The following WDR49 variants were observed in gnomAD, a reference collection of about 807,000 sequenced individuals.
WDR49 encodes the protein WD repeat domain 49, also known as cilia- and flagella-associated protein 337.
A neutral mutation model predicts 119.5 loss-of-function variants in WDR49; 107 were observed. The observed-to-expected ratio is 0.90, with a 90% confidence interval of 0.77 to 1.05. The LOEUF is 1.05. WDR49 is among the 50% of genes least tolerant of loss of function. WDR49 has a pLI of 0.00. For synonymous variants in WDR49, 425 were observed against 418.8 expected (o/e 1.01, Z -0.18); for missense variants, 1,240 against 1,220.5 (o/e 1.02, Z -0.24).
At chr3:167,622,656 C>A (rs1009119864) in intron 3 of WDR49, among the ~76,000 whole-genome samples, 16 of 151,930 alleles carry the variant, frequency 1.1e-4, no homozygotes, top group Admixed American at 6.6e-5. Flanking sequence ...ATGATGGATA[C>A]AACAACTGAG....
At chr3:167,633,300 C>G (rs964273053) in intron 2 of WDR49, 1 of 372,786 alleles carries the variant, frequency 2.7e-6, no homozygotes, top group Non-Finnish European at 5.3e-6. Flanking sequence ...GCAGCAGATG[C>G]TAGTTTTTGT....
At chr3:167,612,372 A>G (rs905589893) in intron 5 of WDR49, among the ~76,000 whole-genome samples, 1 of 152,040 alleles carries the variant, frequency 6.6e-6, no homozygotes, top group African/African-American at 2.4e-5. Flanking sequence ...TTCATCAAAA[A>G]AAAAAGGAAC....
chr3:167,488,927 G>A (rs1577192200), intron 18 of WDR49, among the ~76,000 whole-genome samples: 1 of 151,992 alleles, frequency 6.6e-6, no homozygotes, highest in East Asian at 1.9e-4. Context: ...CTTGTTTCCT[G>A]TGCTTGGGAC....
chr3:167,496,990 T>C (rs1751379864), intron 18 of WDR49, among the ~76,000 whole-genome samples: 1 of 152,218 alleles, frequency 6.6e-6, no homozygotes, highest in South Asian at 2.1e-4. Context: ...GGGTTCATTT[T>C]GACTTCTGCT....
chr3:167,530,986 A>G lies in WDR49; in HGVS notation c.2218+129T>C, dbSNP rs1480330438. ...CCAACTTCCTTTGCCATGGTCTGTG[A>G]CCTCACTTGACACACTACTGACTGG... is the stretch of plus-strand genomic sequence containing the variant. On this transcript the variant is annotated intron_variant, in intron 13 of 18. Coordinates refer to ENST00000682715, the MANE Select transcript of WDR49 (RefSeq NM_001366157.1). 5 of 926,650 alleles carry G rather than the reference A, an allele frequency of 5.4e-6. No homozygotes were observed. In the African/African-American group the frequency reaches 8.5e-5, roughly 16 times the overall value. The allele number at this position is 926,650 out of a possible 1,614,324, so 57.4% of individuals were successfully genotyped here.
At chr3:167,596,753 G>T in intron 7 of WDR49, among the ~76,000 whole-genome samples, 1 of 149,282 alleles carries the variant, frequency 6.7e-6, no homozygotes, top group African/African-American at 2.5e-5. Flanking sequence ...ATAGCACTGG[G>T]AGATATACCT....
intron 13 of WDR49, among the ~76,000 whole-genome samples, chr3:167,530,228 G>A (rs569443785): frequency 6.6e-6 from 1 of 151,982 alleles, no homozygotes; most frequent in African/African-American, 2.4e-5. Flanking sequence ...ATTTTCATCT[G>A]TAAATTAAAT....
At chr3:167,566,626 A>G (rs1307533285) in intron 8 of WDR49, among the ~76,000 whole-genome samples, 3 of 152,186 alleles carry the variant, frequency 2.0e-5, no homozygotes, top group Non-Finnish European at 4.4e-5. Flanking sequence ...CCACACAGTT[A>G]AAAATTCATG....
chr3:167,589,348 T>C (rs1318903118), intron 7 of WDR49, among the ~76,000 whole-genome samples: 1 of 152,160 alleles, frequency 6.6e-6, no homozygotes, highest in Non-Finnish European at 1.5e-5. Context: ...AGCTCCATAG[T>C]ATAATTTGAA....
rs143775871 is a variant in WDR49, at chr3:167,627,766, G to A, written c.166-474C>T. Among the ~76,000 whole-genome samples the A allele has an allele frequency of 4.5e-3, 678 of 152,112 alleles. 3 individuals are homozygous for A. Among genetic ancestry groups the A allele is most frequent in the Non-Finnish European group, 7.3e-3 (496 of 67,986 alleles). ...ATATATTTGTGTGTTTTAAGTCATGGTTTTTGGTAATTAGTTACAGCAGCA... is the reference window on the plus strand; with the variant it reads ...ATATATTTGTGTGTTTTAAGTCATGATTTTTGGTAATTAGTTACAGCAGCA... On this transcript the variant is annotated intron_variant, in intron 2 of 18. Coordinates refer to ENST00000682715, the MANE Select transcript of WDR49 (RefSeq NM_001366157.1).
intron 7 of WDR49, among the ~76,000 whole-genome samples, chr3:167,593,213 T>C (rs1354163945): frequency 6.6e-6 from 1 of 152,062 alleles, no homozygotes; most frequent in Non-Finnish European, 1.5e-5. Flanking sequence ...TCTCTCAACT[T>C]CCTCTTTAAG....
intron 2 of WDR49, among the ~76,000 whole-genome samples, chr3:167,639,240 C>T (rs1315224685): frequency 6.6e-6 from 1 of 151,588 alleles, no homozygotes; most frequent in African/African-American, 2.4e-5. Context: ...TTGTTGGAGA[C>T]CATGATTATG....
intron 15 of WDR49, among the ~76,000 whole-genome samples, chr3:167,526,935 G>T (rs1235478133): frequency 2.6e-5 from 4 of 152,082 alleles, no homozygotes; most frequent in African/African-American, 9.7e-5. Flanking sequence ...TACCAGGTTT[G>T]AATAGTACTG....
At chr3:167,552,123 A>G (rs971769670) in intron 10 of WDR49, among the ~76,000 whole-genome samples, 2 of 152,108 alleles carry the variant, frequency 1.3e-5, no homozygotes, top group Non-Finnish European at 2.9e-5. Flanking sequence ...GATAGAGTTT[A>G]GAATATACAG....
intron 16 of WDR49, among the ~76,000 whole-genome samples, chr3:167,514,629 A>ATG: frequency 4.6e-4 from 1 of 2,188 alleles, no homozygotes; most frequent in Non-Finnish European, 6.3e-3. Flanking sequence ...GGAGATGCAG[A>ATG]CACACACACA....
rs941766502 is a variant in WDR49, at chr3:167,653,327, A to G, written c.99T>C (p.Tyr33=). 2 of 1,536,160 alleles carry G rather than the reference A, an allele frequency of 1.3e-6. No homozygotes were observed. The change falls in exon 2 of 19, where the codon TAT becomes TAC. Residue 33 remains tyrosine, a synonymous_variant. Transcript: ENST00000682715. The part of the protein sequence containing the change: ...RTEGVTAFED[Y]GTGLLENQLS... ...GTTGGTTTTCAAGCAGGCCTGTGCC[A>G]TAGTCTTCAAATGCAGTTACACCTT...
chr3:167,543,662 T>C (rs1196772631), intron 10 of WDR49, among the ~76,000 whole-genome samples: 1 of 152,090 alleles, frequency 6.6e-6, no homozygotes, highest in African/African-American at 2.4e-5. Context: ...AAGCCATCTA[T>C]GACAAACCCA....
intron 18 of WDR49, among the ~76,000 whole-genome samples, chr3:167,495,201 G>A (rs1002819599): frequency 1.3e-5 from 2 of 151,980 alleles, no homozygotes; most frequent in Admixed American, 1.3e-4. Flanking sequence ...CCAGATTTTG[G>A]AGTTAGTCAA....
At chr3:167,483,352 T>C (rs1211988277) in intron 18 of WDR49, among the ~76,000 whole-genome samples, 2 of 152,224 alleles carry the variant, frequency 1.3e-5, no homozygotes, top group African/African-American at 4.8e-5. Context: ...TCTGTTTTAT[T>C]GAGATTTGTC....
Sources: allele counts gnomAD v4.1 joint callset (sites outside exome capture counted in the v4.1 genomes callset), GRCh38; gene constraint gnomAD v4.1.1; transcripts MANE v1.5; gene names NCBI Gene and HGNC (gene_info 2026-07-23, HGNC 2026-07-21).